The following KDM4C variants were observed in gnomAD, a reference collection of about 807,000 sequenced individuals.
The protein encoded by KDM4C is lysine-specific demethylase 4C.
A neutral mutation model predicts 129.3 loss-of-function variants in KDM4C; 81 were observed. The ratio of observed to expected loss-of-function variants is 0.63; its 90% CI spans 0.52 to 0.75. The LOEUF (loss-of-function observed/expected upper bound fraction) is 0.75. Among genes scored for constraint, KDM4C ranks in the 30% least tolerant of loss-of-function variants. The pLI is 0.00. For synonymous variants in KDM4C, 573 were observed against 456.1 expected, an observed-to-expected ratio of 1.26 and a Z score of -3.26; for missense variants, 1,457 against 1,304.0, an observed-to-expected ratio of 1.12 and a Z score of -1.81.
rs186912536 is a variant in KDM4C, at chr9:6,794,658, G to A, written c.144+1526G>A. ...GAAGAGCCAATGGTGACCCAGACCA[G>A]TGAAGATGGGAGAAGTTGTCTTTGG... On this transcript the variant is annotated intron_variant, in intron 2 of 21. Transcript: ENST00000381309. 7.9e-5 allele frequency among the ~76,000 whole-genome samples: 12 copies of A among 152,308 alleles called. No individual in the cohort carries two copies. In the East Asian group the frequency reaches 1.7e-3, roughly 22 times the overall value.
At chr9:7,146,327 A>G (rs776070371) in intron 19 of KDM4C, among the ~76,000 whole-genome samples, 69 of 152,186 alleles carry the variant, frequency 4.5e-4, no homozygotes, top group Admixed American at 2.4e-3. Flanking sequence ...TTTTATTTTT[A>G]TAATCAGAAA....
intron 8 of KDM4C, among the ~76,000 whole-genome samples, chr9:6,907,820 T>C (rs1360524017): frequency 6.6e-6 from 1 of 152,252 alleles, no homozygotes; most frequent in Non-Finnish European, 1.5e-5. Context: ...AAATTTTGTA[T>C]TGGCTTTGGC....
chr9:7,099,872 CTT>C (rs561422283), intron 17 of KDM4C, among the ~76,000 whole-genome samples: 30 of 152,208 alleles, frequency 2.0e-4, no homozygotes, highest in African/African-American at 6.7e-4. Flanking sequence ...AGAACATACA[CTT>C]TTCAATTTTC....
At chr9:7,043,833 C>G (rs1828978790) in intron 15 of KDM4C, among the ~76,000 whole-genome samples, 1 of 151,984 alleles carries the variant, frequency 6.6e-6, no homozygotes, top group African/African-American at 2.4e-5. Flanking sequence ...TGTCAACTCA[C>G]TAAAGCTTGC....
At chr9:6,867,010 TA>T (rs1448926765) in intron 5 of KDM4C, among the ~76,000 whole-genome samples, 8 of 98,238 alleles carry the variant, frequency 8.1e-5, no homozygotes, top group African/African-American at 4.0e-4. Flanking sequence ...TATATATATA[TA>T]TATATATTTT....
At chr9:7,005,633 C>T (rs1021391366) in intron 12 of KDM4C, among the ~76,000 whole-genome samples, 10 of 152,066 alleles carry the variant, frequency 6.6e-5, no homozygotes, top group Non-Finnish European at 1.3e-4. Flanking sequence ...TTTTTCCCAC[C>T]AGCCTGACTG....
At chr9:6,933,402 A>G (rs1392267061) in intron 8 of KDM4C, among the ~76,000 whole-genome samples, 3 of 152,192 alleles carry the variant, frequency 2.0e-5, no homozygotes, top group Non-Finnish European at 4.4e-5. Context: ...AGGGGGCATA[A>G]CCATCAGTGG....
Position 6,986,748 on chromosome 9 carries a change from CCTCCT to C in KDM4C, c.1677+83_1677+87del. ...AAAACAACATGCTGTGCACTGAAAT[CCTCCT>C]TTAGGGCACAGATAAATAACATTTT... On this transcript the variant is annotated intron_variant, in intron 11 of 21. Transcript: ENST00000381309. The C allele has an allele frequency of 8.3e-6, 8 of 961,690 alleles. No homozygotes were observed. The South Asian group carries it at 1.4e-4, about 17-fold the overall frequency. The allele number at this position is 961,690 out of a possible 1,614,324, so 59.6% of individuals were successfully genotyped here.
chr9:6,856,186 C>G (rs746053716), intron 5 of KDM4C, among the ~76,000 whole-genome samples: 3 of 151,670 alleles, frequency 2.0e-5, no homozygotes, highest in Admixed American at 2.0e-4. Context: ...AAAAAAAAAT[C>G]TAAGAACATT....
intron 8 of KDM4C, among the ~76,000 whole-genome samples, chr9:6,899,234 C>T (rs1816952706): frequency 6.6e-6 from 1 of 151,952 alleles, no homozygotes; most frequent in African/African-American, 2.4e-5. Flanking sequence ...TCCCCATATT[C>T]CCCTTCTCCC....
At chr9:7,174,470 C>G in intron 21 of KDM4C, 83 bp from the exon 22 acceptor site, 3 of 1,379,776 alleles carry the variant, frequency 2.2e-6, no homozygotes, top group South Asian at 2.6e-5. Context: ...ACCCTAACCC[C>G]AGCTGACCGA....
At chr9:6,816,954 A>G (rs974324616) in intron 4 of KDM4C, among the ~76,000 whole-genome samples, 2 of 151,890 alleles carry the variant, frequency 1.3e-5, no homozygotes, top group African/African-American at 2.4e-5. Context: ...AATTTCAAAT[A>G]TGAATTTTTA....
At chr9:7,148,937 A>T (rs142305062) in intron 19 of KDM4C, among the ~76,000 whole-genome samples, 90 of 152,280 alleles carry the variant, frequency 5.9e-4, no homozygotes, top group African/African-American at 2.1e-3. Context: ...CCTGTTGCAG[A>T]CTTCACCCGG....
intron 4 of KDM4C, among the ~76,000 whole-genome samples, chr9:6,848,851 G>A (rs944245238): frequency 6.6e-6 from 1 of 152,048 alleles, no homozygotes; most frequent in African/African-American, 2.4e-5. Flanking sequence ...TTTTTAATAG[G>A]CATTATGTGT....
At chr9:6,780,009 T>C (rs1234392132) in intron 1 of KDM4C, among the ~76,000 whole-genome samples, 1 of 152,160 alleles carries the variant, frequency 6.6e-6, no homozygotes, top group African/African-American at 2.4e-5. Context: ...AGCTACTTAA[T>C]CTTACTGGCC....
intron 5 of KDM4C, among the ~76,000 whole-genome samples, chr9:6,862,938 A>C (rs186443074): frequency 2.5e-4 from 38 of 152,264 alleles, no homozygotes; most frequent in African/African-American, 8.7e-4. Context: ...ATTTTTATGG[A>C]CCCCTTTAAG....
At chr9:7,007,252 G>A (rs1023994186) in intron 12 of KDM4C, among the ~76,000 whole-genome samples, 2 of 152,172 alleles carry the variant, frequency 1.3e-5, no homozygotes, top group Non-Finnish European at 2.9e-5. Context: ...TTGTATTTAG[G>A]CTCATGGTTT....
chr9:6,721,158 C>T (rs1360822535), intron 1 of KDM4C: 1 of 482,362 alleles, frequency 2.1e-6, no homozygotes, highest in Non-Finnish European at 3.7e-6. Context: ...ACTGCAGCCT[C>T]AACATCCCAG....
chr9:7,150,707 C>G (rs1842651646), intron 19 of KDM4C, among the ~76,000 whole-genome samples: 1 of 152,128 alleles, frequency 6.6e-6, no homozygotes, highest in Admixed American at 6.5e-5. Context: ...TGGGTGTGGT[C>G]AACCCCGCAG....
Sources: gnomAD v4.1 joint callset for allele counts (sites outside exome capture counted in the v4.1 genomes callset) on GRCh38, gnomAD v4.1.1 for gene constraint, MANE v1.5 for transcripts, NCBI Gene and HGNC (gene_info 2026-07-23, HGNC 2026-07-21) for gene names.